WWOX: variants seen among roughly 807,000 people sequenced by gnomAD.
The protein encoded by WWOX is WW domain-containing oxidoreductase.
WWOX carries 69 observed loss-of-function variants against 46.2 expected under a neutral mutation model. That is an observed-to-expected ratio of 1.49 (90% CI 1.23 to 1.82). WWOX has a LOEUF of 1.82. Among genes scored for constraint, WWOX ranks in the 40% most tolerant of loss-of-function variants. The pLI is 0.00. For missense variants in WWOX, 919 were observed against 542.6 expected (o/e 1.69, Z -6.89); for synonymous variants, 359 against 202.6 (o/e 1.77, Z -6.56).
intron 8 of WWOX, among the ~76,000 whole-genome samples, chr16:78,577,644 A>G (rs890171154): frequency 2.6e-5 from 4 of 152,222 alleles, no homozygotes; most frequent in African/African-American, 7.2e-5. Context: ...GGATGATTAC[A>G]TACATTCATC....
chr16:78,121,570 A>C (rs2033094067), intron 4 of WWOX, among the ~76,000 whole-genome samples: 1 of 152,180 alleles, frequency 6.6e-6, no homozygotes, highest in Non-Finnish European at 1.5e-5. Context: ...ATCTCATGTA[A>C]AATGCTTATA....
chr16:78,466,309 G>T (rs1003224457), intron 8 of WWOX, among the ~76,000 whole-genome samples: 4 of 152,140 alleles, frequency 2.6e-5, no homozygotes, highest in African/African-American at 9.7e-5. Context: ...GGGATTACAG[G>T]CGTGAGCCAT....
At chr16:78,446,939 G>C (rs1469645346) in intron 8 of WWOX, among the ~76,000 whole-genome samples, 5 of 152,260 alleles carry the variant, frequency 3.3e-5, no homozygotes, top group Admixed American at 1.3e-4. Context: ...GGGATGACAG[G>C]TGTGAGCCAC....
At chr16:78,815,741 A>T (rs1025955793) in intron 8 of WWOX, among the ~76,000 whole-genome samples, 4 of 152,174 alleles carry the variant, frequency 2.6e-5, no homozygotes, top group African/African-American at 7.2e-5. Flanking sequence ...TAGAACTGCA[A>T]TGCATCTGTC....
chr16:78,930,222 T>TTCCTTCCTTCCTTCCTTCCTTC (rs2045589062), intron 8 of WWOX, among the ~76,000 whole-genome samples: 4 of 104,956 alleles, frequency 3.8e-5, no homozygotes, highest in South Asian at 3.5e-4. Context: ...TCAGGACCTT[T>TTCCTTCCTTCCTTCCTTCCTTC]CTTCCTTCCT....
At chr16:79,010,763 G>A (rs891870124) in intron 8 of WWOX, among the ~76,000 whole-genome samples, 5 of 149,694 alleles carry the variant, frequency 3.3e-5, no homozygotes, top group Non-Finnish European at 5.9e-5. Context: ...ACATGGACCC[G>A]ATGCTGCCAG....
At chr16:78,468,670 A>T (rs190824435) in intron 8 of WWOX, among the ~76,000 whole-genome samples, 103 of 152,296 alleles carry the variant, frequency 6.8e-4, no homozygotes, top group African/African-American at 2.4e-3. Context: ...TCATGGACCT[A>T]GCCTACGTTA....
chr16:78,466,283 G>A (rs1037687523), intron 8 of WWOX, among the ~76,000 whole-genome samples: 1 of 151,986 alleles, frequency 6.6e-6, no homozygotes, highest in African/African-American at 2.4e-5. Context: ...AGCCTGCCTT[G>A]GCCTCCCAAA....
At chr16:78,491,378 T>C (rs1393321789) in intron 8 of WWOX, among the ~76,000 whole-genome samples, 1 of 152,162 alleles carries the variant, frequency 6.6e-6, no homozygotes, top group Non-Finnish European at 1.5e-5. Context: ...ACCTAATAGG[T>C]GCTCAGTGAA....
intron 5 of WWOX, among the ~76,000 whole-genome samples, chr16:78,380,060 G>T (rs2151928632): frequency 6.6e-6 from 1 of 152,344 alleles, no homozygotes; most frequent in South Asian, 2.1e-4. Flanking sequence ...TATTGAAGGT[G>T]TCTGTTAACT....
intron 8 of WWOX, among the ~76,000 whole-genome samples, chr16:78,956,646 T>G (rs2046173125): frequency 6.6e-6 from 1 of 151,542 alleles, no homozygotes; most frequent in African/African-American, 2.4e-5. Context: ...ACCGAATAAT[T>G]TCATTGCCCT....
chr16:78,135,689 A>C (rs565855889), intron 4 of WWOX, among the ~76,000 whole-genome samples: 10 of 152,218 alleles, frequency 6.6e-5, no homozygotes, highest in South Asian at 4.1e-4. Flanking sequence ...TTACTGAAAA[A>C]AAAACAAAAC....
chr16:78,389,102 A>T (rs1415103868), intron 6 of WWOX, among the ~76,000 whole-genome samples: 2 of 152,204 alleles, frequency 1.3e-5, no homozygotes, highest in Non-Finnish European at 2.9e-5. Flanking sequence ...GCTGGCTTGT[A>T]GGAACAGTGA....
intron 8 of WWOX, among the ~76,000 whole-genome samples, chr16:79,019,736 G>C (rs577557723): frequency 6.6e-6 from 1 of 152,022 alleles, no homozygotes; most frequent in South Asian, 2.1e-4. Flanking sequence ...CTGGGTCTTG[G>C]TTAGTGGTCC....
intron 8 of WWOX, among the ~76,000 whole-genome samples, chr16:78,741,268 T>C (rs2049220042): frequency 6.6e-6 from 1 of 152,158 alleles, no homozygotes; most frequent in Admixed American, 6.5e-5. Flanking sequence ...CAAATAAAAT[T>C]GCAGGATGCT....
intron 8 of WWOX, among the ~76,000 whole-genome samples, chr16:78,785,966 G>A (rs549554759): frequency 9.2e-5 from 14 of 152,214 alleles, no homozygotes; most frequent in Non-Finnish European, 2.9e-5. Flanking sequence ...GAGTGCAGTG[G>A]CGCGATCTCT....
intron 8 of WWOX, among the ~76,000 whole-genome samples, chr16:78,763,789 C>T (rs1240824857): frequency 6.6e-6 from 1 of 152,322 alleles, no homozygotes; most frequent in East Asian, 1.9e-4. Flanking sequence ...CTCCAGCATT[C>T]AGTTAAGACC....
chr16:79,210,950 T>C (rs1226362748), intron 8 of WWOX, among the ~76,000 whole-genome samples: 1 of 152,092 alleles, frequency 6.6e-6, no homozygotes, highest in African/African-American at 2.4e-5. Flanking sequence ...CTGGGTCAAA[T>C]ATGACATTTA....
chr16:78,794,416 T>C (rs2050685924), intron 8 of WWOX, among the ~76,000 whole-genome samples: 1 of 152,162 alleles, frequency 6.6e-6, no homozygotes, highest in South Asian at 2.1e-4. Context: ...AAATAAAAGC[T>C]ACCCAGCTTA....
Sources: allele counts gnomAD v4.1 joint callset (sites outside exome capture counted in the v4.1 genomes callset), GRCh38; gene constraint gnomAD v4.1.1; transcripts MANE v1.5; gene names NCBI Gene and HGNC (gene_info 2026-07-23, HGNC 2026-07-21).